Variants in EYA4 observed in about 807,000 individuals in gnomAD.
EYA4 encodes EYA transcriptional coactivator and phosphatase 4.
Under a neutral mutation model 87.9 loss-of-function variants are expected in EYA4, and 31 were observed. The ratio of observed to expected loss-of-function variants is 0.35; its 90% confidence interval spans 0.27 to 0.48. EYA4 has a LOEUF of 0.48. EYA4 is among the 20% of genes least tolerant of loss of function. The pLI is 0.99. For synonymous variants in EYA4, 263 were observed against 270.6 expected, an observed-to-expected ratio of 0.97 and a Z score of 0.28; for missense variants, 678 against 761.4, an observed-to-expected ratio of 0.89 and a Z score of 1.29.
At chr6:133,494,841 A>C (rs1395184104) in intron 13 of EYA4, among the ~76,000 whole-genome samples, 4 of 126,536 alleles carry the variant, frequency 3.2e-5, no homozygotes, top group African/African-American at 1.6e-4. Flanking sequence ...TCAGAGTAAA[A>C]AATAAATAAA....
rs769828566 is a variant in EYA4 at position 133,528,778 on chromosome 6, C to G, written c.1893C>G (p.His631Gln). The G allele has an allele frequency of 1.2e-6, 2 of 1,613,662 alleles. No homozygotes were observed. The highest frequency in any genetic ancestry group is 1.7e-6 in the Non-Finnish European group (2 of 1,179,770). Residue 631 changes from histidine (H) to glutamine (Q), a missense_variant, in exon 20 of 20, where the codon CAC becomes CAG. By Grantham distance (24) the His-to-Gln change is conservative (BLOSUM62 0). Coordinates refer to ENST00000355286, the MANE Select transcript of EYA4 (RefSeq NM_004100.5). Reference sequence around the variant, plus strand: ...GTCACTCAGACCTCCTGGCTCTCCACCAAGCACTGGAATTAGAGTATTTGT... The same window carrying G: ...GTCACTCAGACCTCCTGGCTCTCCAGCAAGCACTGGAATTAGAGTATTTGT... ...ISSHSDLLAL[H>Q]QALELEYL
intron 3 of EYA4, among the ~76,000 whole-genome samples, chr6:133,413,545 C>T (rs1789435257): frequency 6.6e-6 from 1 of 151,682 alleles, no homozygotes; most frequent in South Asian, 2.1e-4. Flanking sequence ...ATCTTTCTGG[C>T]TTTCCTGCCA....
chr6:133,291,936 AT>A (rs35217235), intron 2 of EYA4, among the ~76,000 whole-genome samples: 4 of 151,290 alleles, frequency 2.6e-5, no homozygotes, highest in African/African-American at 7.3e-5. Flanking sequence ...AGCTAGACTG[AT>A]TTTTTTTTCC....
At chr6:133,282,182 G>A (rs936226812) in intron 2 of EYA4, among the ~76,000 whole-genome samples, 1 of 152,122 alleles carries the variant, frequency 6.6e-6, no homozygotes, top group East Asian at 1.9e-4. Flanking sequence ...CTTCATAGTG[G>A]CTGAACTAAT....
At chr6:133,393,448 G>A (rs73559684) in intron 3 of EYA4, among the ~76,000 whole-genome samples, 9,518 of 152,034 alleles carry the variant, frequency 0.063, 875 homozygotes, top group African/African-American at 0.21. Context: ...GGAACATTGC[G>A]GAGGGGAATG....
chr6:133,513,077 G>A (rs756582097), intron 16 of EYA4, 39 bp downstream of exon 16: 1 of 1,573,070 alleles, frequency 6.4e-7, no homozygotes, highest in South Asian at 1.1e-5. Context: ...GGTACTCTGG[G>A]TATAGGTAGA....
chr6:133,296,700 T>G (rs1582880119), intron 2 of EYA4, among the ~76,000 whole-genome samples: 1 of 152,300 alleles, frequency 6.6e-6, no homozygotes, highest in East Asian at 1.9e-4. Context: ...GGGGTAGGTT[T>G]TTTTTCTCCT....
At chr6:133,522,553 C>T (rs1282334791) in intron 17 of EYA4, among the ~76,000 whole-genome samples, 3 of 151,944 alleles carry the variant, frequency 2.0e-5, no homozygotes, top group Admixed American at 6.6e-5. Flanking sequence ...ATGGAGAAAG[C>T]AGTTTTCTCC....
At chr6:133,435,006 T>C (rs895074657) in intron 3 of EYA4, 5 of 152,234 alleles carry the variant, frequency 3.3e-5, no homozygotes, top group Admixed American at 1.3e-4. Flanking sequence ...GGAAAATCCA[T>C]TGGATTTTTG....
At chr6:133,365,140 G>T (rs1784760542) in intron 2 of EYA4, among the ~76,000 whole-genome samples, 1 of 152,140 alleles carries the variant, frequency 6.6e-6, no homozygotes, top group Non-Finnish European at 1.5e-5. Flanking sequence ...TCAGCCTCTT[G>T]AGTTTTCTTA....
At chr6:133,324,267 A>C (rs368962818) in intron 2 of EYA4, among the ~76,000 whole-genome samples, 1 of 152,306 alleles carries the variant, frequency 6.6e-6, no homozygotes. Flanking sequence ...GTATTCTAGC[A>C]ATCTGGTTAT....
At chr6:133,477,301 A>G (rs910143135) in intron 11 of EYA4, among the ~76,000 whole-genome samples, 3 of 152,088 alleles carry the variant, frequency 2.0e-5, no homozygotes, top group African/African-American at 4.8e-5. Flanking sequence ...CTTTTAGATA[A>G]TACCATTTTA....
intron 5 of EYA4, among the ~76,000 whole-genome samples, chr6:133,449,009 A>G (rs1019105304): frequency 6.6e-6 from 1 of 152,216 alleles, no homozygotes; most frequent in Admixed American, 6.5e-5. Context: ...AACTACTTCA[A>G]TATGCTCATT....
At position 133,506,148 on chromosome 6, in the gene EYA4, A is replaced by G; in HGVS notation, c.1234A>G (p.Met412Val). ...AVTLGLRMEE[M>V]IFNLADTHLF... The stretch of plus-strand genomic sequence containing the variant: ...AACCCTTGGACTCCGCATGGAAGAA[A>G]TGATTTTTAATCTTGCTGATACTCA... Residue 412 changes from methionine to valine, a missense_variant, in exon 14 of 20, where the codon ATG becomes GTG. Transcript: ENST00000355286. The G allele has an allele frequency of 6.2e-7, 1 of 1,611,902 alleles. No individual in the cohort carries two copies. The highest frequency in any genetic ancestry group is 8.5e-7 in the Non-Finnish European group (1 of 1,178,048).
intron 1 of EYA4, among the ~76,000 whole-genome samples, chr6:133,270,574 ACTT>A (rs1196027919): frequency 2.6e-5 from 4 of 152,114 alleles, no homozygotes; most frequent in African/African-American, 7.2e-5. Context: ...TTGATGACTA[ACTT>A]CTTCTACTAC....
chr6:133,471,015 TAAAC>T (rs908280198), intron 11 of EYA4, among the ~76,000 whole-genome samples: 4 of 80,210 alleles, frequency 5.0e-5, no homozygotes, highest in Admixed American at 1.6e-4. Flanking sequence ...GTTCTCTAGA[TAAAC>T]AATCATGTCG....
At chr6:133,515,024 G>T (rs1480053344) in intron 16 of EYA4, among the ~76,000 whole-genome samples, 1 of 152,190 alleles carries the variant, frequency 6.6e-6, no homozygotes, top group Non-Finnish European at 1.5e-5. Context: ...CATGTTCAAA[G>T]CTCTTTAGAT....
intron 2 of EYA4, among the ~76,000 whole-genome samples, chr6:133,342,588 T>TA (rs1447954997): frequency 3.3e-5 from 3 of 90,528 alleles, no homozygotes; most frequent in African/African-American, 1.4e-4. Flanking sequence ...TATATATATA[T>TA]ATATATATAT....
intron 13 of EYA4, among the ~76,000 whole-genome samples, chr6:133,504,697 A>G (rs1798440278): frequency 6.6e-6 from 1 of 152,208 alleles, no homozygotes; most frequent in Admixed American, 6.5e-5. Context: ...AAGGAAATAT[A>G]GGAATAAAAT....
Sources: allele counts gnomAD v4.1 joint callset (sites outside exome capture counted in the v4.1 genomes callset), GRCh38; gene constraint gnomAD v4.1.1; transcripts MANE v1.5; gene names NCBI Gene and HGNC (gene_info 2026-07-23, HGNC 2026-07-21).